The following ZNF277 variants were observed in gnomAD, a reference collection of about 807,000 sequenced individuals.
ZNF277 encodes the protein zinc finger protein 277, also known as nuclear receptor-interacting factor 4.
ZNF277 carries 55 observed loss-of-function variants against 60.7 expected under a neutral mutation model. That is an observed-to-expected ratio of 0.91 (90% CI 0.73 to 1.13). ZNF277 has a LOEUF of 1.13. Ranked by LOEUF, ZNF277 falls within the 50% of genes most tolerant of loss-of-function variation. ZNF277 has a pLI of 0.00. For synonymous variants in ZNF277, 178 were observed against 179.3 expected, an observed-to-expected ratio of 0.99 and a Z score of 0.06; for missense variants, 510 against 523.0, an observed-to-expected ratio of 0.98 and a Z score of 0.24.
At chr7:112,320,961 G>A (rs1266316164) in intron 5 of ZNF277, among the ~76,000 whole-genome samples, 11 of 121,268 alleles carry the variant, frequency 9.1e-5, no homozygotes, top group South Asian at 5.4e-4. Flanking sequence ...TCACTCTGTC[G>A]CCCAGCCTGG....
chr7:112,335,288 T>C (rs1793307724), intron 7 of ZNF277, among the ~76,000 whole-genome samples: 1 of 152,142 alleles, frequency 6.6e-6, no homozygotes, highest in Non-Finnish European at 1.5e-5. Context: ...TGTTCCTACC[T>C]CTCTCTTTGT....
chr7:112,281,114 G>A (rs975359691), intron 1 of ZNF277, among the ~76,000 whole-genome samples: 2 of 152,146 alleles, frequency 1.3e-5, no homozygotes, highest in Non-Finnish European at 2.9e-5. Context: ...CTAATTTATG[G>A]GCTTTTCCTT....
intron 1 of ZNF277, among the ~76,000 whole-genome samples, chr7:112,252,510 A>G (rs1704647755): frequency 6.6e-6 from 1 of 152,188 alleles, no homozygotes. Flanking sequence ...TCTGGCTAAA[A>G]GGTACTTTAT....
intron 10 of ZNF277, 152 bp downstream of exon 10, chr7:112,340,037 G>A (rs1793412940): frequency 1.4e-6 from 1 of 707,444 alleles, no homozygotes; most frequent in South Asian, 1.9e-5. Context: ...CTGTGAAGCA[G>A]TGATGCTCAA....
intron 1 of ZNF277, among the ~76,000 whole-genome samples, chr7:112,282,185 A>G (rs949999382): frequency 2.6e-5 from 4 of 152,246 alleles, no homozygotes; most frequent in Non-Finnish European, 5.9e-5. Flanking sequence ...AGACTAGCAC[A>G]GTAATAGAGG....
At chr7:112,303,941 G>A (rs1792535949) in intron 4 of ZNF277, among the ~76,000 whole-genome samples, 1 of 152,044 alleles carries the variant, frequency 6.6e-6, no homozygotes, top group African/African-American at 2.4e-5. Context: ...TTTCAGAAAC[G>A]GTGGGAGGTA....
At chr7:112,273,902 G>A (rs1389257843) in intron 1 of ZNF277, among the ~76,000 whole-genome samples, 1 of 152,056 alleles carries the variant, frequency 6.6e-6, no homozygotes, top group African/African-American at 2.4e-5. Context: ...AAACTGTGAT[G>A]ATCAAATGAG....
intron 4 of ZNF277, among the ~76,000 whole-genome samples, chr7:112,315,146 A>G (rs1792815655): frequency 6.6e-6 from 1 of 152,006 alleles, no homozygotes; most frequent in Non-Finnish European, 1.5e-5. Flanking sequence ...ATAATAAGAA[A>G]CAAACCCTAC....
chr7:112,333,380 CAA>C (rs1197886519), intron 7 of ZNF277, among the ~76,000 whole-genome samples: 1 of 152,176 alleles, frequency 6.6e-6, no homozygotes, highest in African/African-American at 2.4e-5. Flanking sequence ...TCACTACTTT[CAA>C]AGAGTTCAGA....
At chr7:112,276,042 A>T (rs2117045181) in intron 1 of ZNF277, among the ~76,000 whole-genome samples, 1 of 152,358 alleles carries the variant, frequency 6.6e-6, no homozygotes, top group East Asian at 1.9e-4. Context: ...CATAGTATGG[A>T]TAGGAAATCA....
At position 112,343,806 on chromosome 7, in the gene ZNF277, G is replaced by C. The variant is rs939524173; in HGVS notation, c.*1077G>C. ...CCAGGCATGGTGGAATGCACCTATA[G>C]TCCCAGCTACTTGGGAGGCTGAAGC... On this transcript the variant is annotated 3_prime_UTR_variant, in exon 12 of 12. Transcript: ENST00000361822. 6.6e-6 allele frequency among the ~76,000 whole-genome samples: 1 copy of C among 151,674 alleles called. No individual in the cohort carries two copies. Among genetic ancestry groups the C allele is most frequent in the African/African-American group, 2.4e-5 (1 of 41,260 alleles).
rs569541297 is a variant in ZNF277 at position 112,337,668 on chromosome 7, T to C, written c.870-62T>C. 20 of 1,399,858 alleles carry C rather than the reference T, an allele frequency of 1.4e-5. 1 individual carries two copies. The South Asian group carries it at 2.5e-4, about 18-fold the overall frequency. 86.7% of individuals were successfully genotyped at this position (1,399,858 alleles called of 1,614,324 possible). ...TAAGGAGAAAGCAATACCAAGTCAC[T>C]GTGTAGTATACTCTCTTAATGAAGG... On this transcript the variant is annotated intron_variant, in intron 8 of 11. Coordinates refer to ENST00000361822, the MANE Select transcript of ZNF277 (RefSeq NM_021994.3).
chr7:112,250,659 G>A (rs1402037946), intron 1 of ZNF277, among the ~76,000 whole-genome samples: 1 of 152,034 alleles, frequency 6.6e-6, no homozygotes, highest in Non-Finnish European at 1.5e-5. Context: ...CATGAATATC[G>A]GGGCAGGTTC....
chr7:112,305,496 C>G (rs1792568255), intron 4 of ZNF277, among the ~76,000 whole-genome samples: 1 of 151,528 alleles, frequency 6.6e-6, no homozygotes, highest in Non-Finnish European at 1.5e-5. Flanking sequence ...AAATTCCTTT[C>G]TCGGGGGTAG....
At chr7:112,278,979 A>G (rs1322998749) in intron 1 of ZNF277, among the ~76,000 whole-genome samples, 11 of 152,200 alleles carry the variant, frequency 7.2e-5, no homozygotes, top group Admixed American at 3.3e-4. Flanking sequence ...TCATATAAGT[A>G]GAATCGTGTA....
At position 112,255,673 on chromosome 7, in the gene ZNF277, G is replaced by A. The variant is rs138106455; in HGVS notation, c.92-31200G>A. Among the ~76,000 whole-genome samples, 469 of 152,308 alleles carry A rather than the reference G, an allele frequency of 3.1e-3. 2 individuals are homozygous for A. Among genetic ancestry groups the A allele is most frequent in the Non-Finnish European group, 5.2e-3 (354 of 68,026 alleles). The stretch of plus-strand genomic sequence containing the variant: ...TGAAGCCTGATATAATAAGCACCTG[G>A]CATGTGCCCCTTCCTCTTGAGGATC... On this transcript the variant is annotated intron_variant, in intron 1 of 11. Coordinates refer to ENST00000361822, the MANE Select transcript of ZNF277 (RefSeq NM_021994.3).
In ZNF277 at chr7:112,232,070, T is replaced by TATAA. The variant is rs1822352952; in HGVS notation, c.91+25266_91+25267insAATA. On this transcript the variant is annotated intron_variant, in intron 1 of 11. Transcript: ENST00000361822. ...ATATATATATATATATATATATATATATATATATATATATTCCCTTAACTG... is the reference window on the plus strand; with the variant it reads ...ATATATATATATATATATATATATATATAAATATATATATATATTCCCTTAACTG... Among the ~76,000 whole-genome samples the TATAA allele has an allele frequency of 8.6e-5, 10 of 116,720 alleles. 1 individual carries two copies. The South Asian group carries it at 2.4e-3, about 29-fold the overall frequency. The allele number at this position is 116,720 out of a possible 152,430, so 76.6% of individuals were successfully genotyped here. A position where few individuals can be genotyped will look rare whatever the true frequency, so the allele number is the denominator to read the frequency against.
At chr7:112,288,093 C>T (rs1792114319) in intron 2 of ZNF277, 1 of 152,130 alleles carries the variant, frequency 6.6e-6, no homozygotes, top group Admixed American at 6.5e-5. Flanking sequence ...ACTCAAAAGG[C>T]AGTGTTTGGG....
intron 1 of ZNF277, among the ~76,000 whole-genome samples, chr7:112,267,413 C>G (rs899664561): frequency 8.5e-5 from 13 of 152,112 alleles, no homozygotes; most frequent in African/African-American, 3.1e-4. Flanking sequence ...AAACATTTTC[C>G]TGATATGTTT....
Sources: allele counts gnomAD v4.1 joint callset (sites outside exome capture counted in the v4.1 genomes callset), GRCh38; gene constraint gnomAD v4.1.1; transcripts MANE v1.5; gene names NCBI Gene and HGNC (gene_info 2026-07-23, HGNC 2026-07-21).